Variants in RSF1 observed in about 807,000 individuals in gnomAD.
RSF1 encodes remodeling and spacing factor 1, also known as HBV pX-associated protein 8.
In RSF1, 13 loss-of-function variants were observed where a neutral mutation model predicts 145.2. The ratio of observed to expected loss-of-function variants is 0.09; its 90% confidence interval spans 0.06 to 0.14. RSF1 has a LOEUF of 0.14. Ranked by LOEUF, RSF1 falls within the 10% of genes least tolerant of loss-of-function variation. The probability of loss-of-function intolerance (pLI) is 1.00; values close to 1 mark genes in which losing one functional copy is unlikely to be tolerated. For synonymous variants in RSF1, 577 were observed against 592.6 expected (o/e 0.97, Z 0.38); for missense variants, 1,517 against 1,718.2 (o/e 0.88, Z 2.07).
At chr11:77,730,390 T>G (rs1961176277) in intron 4 of RSF1, among the ~76,000 whole-genome samples, 1 of 152,214 alleles carries the variant, frequency 6.6e-6, no homozygotes, top group African/African-American at 2.4e-5. Flanking sequence ...TAACGAGGTA[T>G]AATTCACATA....
chr11:77,842,008 TC>T, the RSF1 span, among the ~76,000 whole-genome samples: 1,707 of 152,294 alleles, frequency 0.011, 16 homozygotes, highest in South Asian at 0.024. Flanking sequence ...TGGGGGTTGT[TC>T]CAGGCAAGAA....
chr11:77,733,303 A>T (rs1961254276), intron 4 of RSF1, among the ~76,000 whole-genome samples: 1 of 152,202 alleles, frequency 6.6e-6, no homozygotes, highest in Non-Finnish European at 1.5e-5. Context: ...TGGAAATTCT[A>T]CAATGAATAA....
At chr11:77,669,621 A>G (rs1453162465) in intron 15 of RSF1, among the ~76,000 whole-genome samples, 2 of 152,248 alleles carry the variant, frequency 1.3e-5, no homozygotes, top group African/African-American at 4.8e-5. Flanking sequence ...CAAGTGCTCA[A>G]TAGCCATATG....
chr11:77,803,108 T>A (rs1948642516), intron 1 of RSF1, among the ~76,000 whole-genome samples: 1 of 152,162 alleles, frequency 6.6e-6, no homozygotes, highest in Non-Finnish European at 1.5e-5. Context: ...TTATGCCACG[T>A]AGTTTCAGCC....
intron 1 of RSF1, among the ~76,000 whole-genome samples, chr11:77,773,024 G>A (rs1339437497): frequency 6.6e-6 from 1 of 152,040 alleles, no homozygotes; most frequent in Non-Finnish European, 1.5e-5. Flanking sequence ...TTGATATTGG[G>A]TTGTTTCTGT....
intron 1 of RSF1, among the ~76,000 whole-genome samples, chr11:77,771,594 T>C (rs143616258): frequency 6.6e-6 from 1 of 152,304 alleles, no homozygotes; most frequent in Admixed American, 6.5e-5. Context: ...GATTTAAGTT[T>C]TTAAAAGATC....
upstream of RSF1, chr11:77,820,824 C>G (rs571947237): frequency 8.8e-7 from 1 of 1,134,662 alleles, no homozygotes; most frequent in Non-Finnish European, 1.2e-6. Flanking sequence ...AAGTGGGCTC[C>G]TCTGCGGATC....
intron 2 of RSF1, among the ~76,000 whole-genome samples, chr11:77,751,240 A>C (rs1241291316): frequency 6.6e-6 from 1 of 152,200 alleles, no homozygotes; most frequent in African/African-American, 2.4e-5. Flanking sequence ...GGATTTACAT[A>C]AACAATCAAA....
At chr11:77,780,112 C>G (rs1948387807) in intron 1 of RSF1, among the ~76,000 whole-genome samples, 1 of 152,162 alleles carries the variant, frequency 6.6e-6, no homozygotes, top group Non-Finnish European at 1.5e-5. Flanking sequence ...TTAGCTCTAT[C>G]CCACATTAAA....
chr11:77,793,433 G>A (rs1004393969), intron 1 of RSF1, among the ~76,000 whole-genome samples: 3 of 152,146 alleles, frequency 2.0e-5, no homozygotes, highest in Non-Finnish European at 2.9e-5. Context: ...GCAGTAAGCC[G>A]TGATCATGCC....
At chr11:77,671,138 A>AAATAAATAT (rs1565142876) in intron 15 of RSF1, among the ~76,000 whole-genome samples, 1 of 22,064 alleles carries the variant, frequency 4.5e-5, no homozygotes, top group African/African-American at 1.9e-4. Flanking sequence ...AAAAAAAAAA[A>AAATAAATAT]ATATATATAT....
intron 8 of RSF1, among the ~76,000 whole-genome samples, chr11:77,692,466 G>A (rs1429765475): frequency 2.4e-5 from 3 of 127,482 alleles, no homozygotes; most frequent in Non-Finnish European, 4.8e-5. Flanking sequence ...GGATGGTCTC[G>A]ATCTCCTGAC....
At chr11:77,761,150 A>T (rs1351278129) in intron 2 of RSF1, among the ~76,000 whole-genome samples, 1 of 152,136 alleles carries the variant, frequency 6.6e-6, no homozygotes, top group Non-Finnish European at 1.5e-5. Flanking sequence ...CATGTTGGTC[A>T]GGATGGTCTC....
rs1259877227 is a variant in RSF1, at chr11:77,661,035, TAAGG to T, written c.*5878_*5881del. 4 of 152,172 alleles carry T rather than the reference TAAGG, an allele frequency of 2.6e-5. No individual in the cohort carries two copies. The highest frequency in any genetic ancestry group is 1.3e-4 in the Admixed American group (2 of 15,274). 9.4% of individuals were successfully genotyped at this position (152,172 alleles called of 1,614,324 possible). ...ACAAGATTTCAAAATACTTAGTGAA[TAAGG>T]AAGGAACTGAAACTTGAATTTGACT... On this transcript the variant is annotated 3_prime_UTR_variant, in exon 16 of 16. Coordinates refer to ENST00000308488, the MANE Select transcript of RSF1 (RefSeq NM_016578.4).
intron 1 of RSF1, among the ~76,000 whole-genome samples, chr11:77,799,661 T>C (rs949957503): frequency 2.0e-5 from 3 of 152,156 alleles, no homozygotes; most frequent in African/African-American, 7.2e-5. Context: ...ATTTCCTGTC[T>C]CTATGAATTT....
At chr11:77,868,086 C>T in the RSF1 span, among the ~76,000 whole-genome samples, 6 of 142,668 alleles carry the variant, frequency 4.2e-5, no homozygotes, top group African/African-American at 1.3e-4. Context: ...GACAGAGTCT[C>T]GTTCTATCGC....
chr11:77,794,544 T>TA (rs1029744049), intron 1 of RSF1, among the ~76,000 whole-genome samples: 10 of 150,494 alleles, frequency 6.6e-5, no homozygotes, highest in African/African-American at 1.7e-4. Flanking sequence ...AATAAAAGAT[T>TA]AAAAAAAAAC....
intron 5 of RSF1, among the ~76,000 whole-genome samples, chr11:77,723,347 T>C: frequency 6.6e-6 from 1 of 152,178 alleles, no homozygotes; most frequent in African/African-American, 2.4e-5. Context: ...TGTAGTCTTA[T>C]CTACTCAGGA....
chr11:77,727,865 T>C (rs1196305412), intron 4 of RSF1, among the ~76,000 whole-genome samples: 1 of 152,212 alleles, frequency 6.6e-6, no homozygotes, highest in Non-Finnish European at 1.5e-5. Context: ...ATCTGTTTAA[T>C]GTGTTTAAAC....
Sources: allele counts gnomAD v4.1 joint callset (sites outside exome capture counted in the v4.1 genomes callset), GRCh38; gene constraint gnomAD v4.1.1; transcripts MANE v1.5; gene names NCBI Gene and HGNC (gene_info 2026-07-23, HGNC 2026-07-21).